Variants in ADAMTSL1 observed in about 807,000 individuals in gnomAD.
The protein encoded by ADAMTSL1 is ADAMTS-like protein 1.
In ADAMTSL1, 126 loss-of-function variants were observed where a neutral mutation model predicts 201.8. That is an observed-to-expected ratio of 0.62 (90% CI 0.54 to 0.72). The LOEUF is 0.72. Among genes scored for constraint, ADAMTSL1 ranks in the 30% least tolerant of loss-of-function variants. The probability of loss-of-function intolerance (pLI) is 0.00; values close to 1 mark genes in which losing one functional copy is unlikely to be tolerated. For missense variants in ADAMTSL1, 2,679 were observed against 2,277.8 expected (o/e 1.18, Z -3.59); for synonymous variants, 1,121 against 903.4 (o/e 1.24, Z -4.32).
chr9:18,522,685 G>A (rs1452988909), intron 2 of ADAMTSL1, among the ~76,000 whole-genome samples: 2 of 148,904 alleles, frequency 1.3e-5, no homozygotes, highest in Non-Finnish European at 3.0e-5. Context: ...GTGAGAACAT[G>A]CGATGTTTGT....
chr9:18,838,983 A>G (rs1825521456), intron 23 of ADAMTSL1, among the ~76,000 whole-genome samples: 1 of 149,902 alleles, frequency 6.7e-6, no homozygotes, highest in Non-Finnish European at 1.5e-5. Flanking sequence ...ATCTTTCAGC[A>G]TACATTTGGC....
chr9:18,842,716 C>T (rs1197520708), intron 23 of ADAMTSL1, among the ~76,000 whole-genome samples: 1 of 152,162 alleles, frequency 6.6e-6, no homozygotes, highest in Non-Finnish European at 1.5e-5. Context: ...AATCTGGGTG[C>T]TCCCATATTG....
intron 20 of ADAMTSL1, among the ~76,000 whole-genome samples, chr9:18,803,818 G>A (rs1668609826): frequency 6.6e-6 from 1 of 151,910 alleles, no homozygotes; most frequent in African/African-American, 2.4e-5. Context: ...TATATTATCT[G>A]CTCATATATT....
intron 1 of ADAMTSL1, among the ~76,000 whole-genome samples, chr9:18,024,067 G>T (rs1205148229): frequency 6.6e-6 from 1 of 151,306 alleles, no homozygotes; most frequent in African/African-American, 2.4e-5. Context: ...TTATCATTTT[G>T]TATCTGGTTA....
chr9:18,021,990 G>A (rs1820496267), intron 1 of ADAMTSL1, among the ~76,000 whole-genome samples: 1 of 152,062 alleles, frequency 6.6e-6, no homozygotes, highest in Non-Finnish European at 1.5e-5. Context: ...CTATAAAAGT[G>A]GTGATAAAAG....
intron 2 of ADAMTSL1, among the ~76,000 whole-genome samples, chr9:18,526,368 C>T (rs1819049196): frequency 6.6e-6 from 1 of 152,232 alleles, no homozygotes; most frequent in Admixed American, 6.5e-5. Flanking sequence ...ATACAGCACA[C>T]TGATGGATCT....
intron 4 of ADAMTSL1, among the ~76,000 whole-genome samples, chr9:18,580,243 T>C (rs1823011221): frequency 6.6e-6 from 1 of 152,218 alleles, no homozygotes; most frequent in Non-Finnish European, 1.5e-5. Context: ...TCACAGAGTT[T>C]TGATGTCTTT....
At chr9:18,728,406 G>A (rs1024535079) in intron 15 of ADAMTSL1, among the ~76,000 whole-genome samples, 4 of 151,908 alleles carry the variant, frequency 2.6e-5, no homozygotes, top group Non-Finnish European at 5.9e-5. Flanking sequence ...GTTGGTTAAC[G>A]TTAACTTTCT....
At chr9:18,017,745 C>T (rs1310444073) in intron 1 of ADAMTSL1, among the ~76,000 whole-genome samples, 3 of 151,970 alleles carry the variant, frequency 2.0e-5, no homozygotes, top group Non-Finnish European at 4.4e-5. Flanking sequence ...TATCCAACTT[C>T]CCAAATTCCA....
At chr9:18,134,678 T>C (rs1826084574) in intron 1 of ADAMTSL1, among the ~76,000 whole-genome samples, 1 of 152,168 alleles carries the variant, frequency 6.6e-6, no homozygotes. Flanking sequence ...GTTCTTTCTT[T>C]AAAGTAAACA....
chr9:18,505,731 A>G (rs1823088027), intron 2 of ADAMTSL1, among the ~76,000 whole-genome samples: 1 of 152,246 alleles, frequency 6.6e-6, no homozygotes, highest in Admixed American at 6.5e-5. Flanking sequence ...AGTGTTATGT[A>G]TAGCAAGTAG....
At chr9:18,822,834 G>T (rs1017367779) in intron 21 of ADAMTSL1, among the ~76,000 whole-genome samples, 6 of 152,178 alleles carry the variant, frequency 3.9e-5, no homozygotes, top group Non-Finnish European at 8.8e-5. Context: ...GCATGTCTCA[G>T]TACACTCCGA....
chr9:18,703,701 CATATATATATATAT>C lies in ADAMTSL1; in HGVS notation c.1575-3025_1575-3012del, dbSNP rs72258520. On this transcript the variant is annotated intron_variant, in intron 13 of 28. Coordinates refer to ENST00000380548, the MANE Select transcript of ADAMTSL1 (RefSeq NM_001040272.6). ...AATTACACACGTGCATGCGCACATA[CATATATATATATAT>C]ATATATATATATATATATATGTTTT... Among the ~76,000 whole-genome samples, 614 of 78,784 alleles carry C rather than the reference CATATATATATATAT, an allele frequency of 7.8e-3. 24 individuals are homozygous for C. The highest frequency in any genetic ancestry group is 0.033 in the South Asian group (74 of 2,210). 51.7% of individuals were successfully genotyped at this position (78,784 alleles called of 152,430 possible).
At chr9:18,280,126 G>A (rs1023577970) in intron 2 of ADAMTSL1, among the ~76,000 whole-genome samples, 2 of 152,070 alleles carry the variant, frequency 1.3e-5, no homozygotes, top group Non-Finnish European at 2.9e-5. Context: ...TGGGTCCATG[G>A]GACCTGGCTA....
At chr9:17,963,471 G>T (rs938792265) in intron 1 of ADAMTSL1, among the ~76,000 whole-genome samples, 2 of 152,102 alleles carry the variant, frequency 1.3e-5, no homozygotes, top group Admixed American at 6.6e-5. Flanking sequence ...ATAAAATTTG[G>T]CAGCAGGATT....
At chr9:17,919,668 C>T (rs1826230598) in intron 1 of ADAMTSL1, among the ~76,000 whole-genome samples, 1 of 152,070 alleles carries the variant, frequency 6.6e-6, no homozygotes, top group African/African-American at 2.4e-5. Context: ...CTTTCTATGG[C>T]TGAGTATTAT....
At chr9:18,767,561 C>A (rs530841291) in intron 16 of ADAMTSL1, among the ~76,000 whole-genome samples, 1 of 152,086 alleles carries the variant, frequency 6.6e-6, no homozygotes, top group Non-Finnish European at 1.5e-5. Context: ...AAATTTAAAA[C>A]CTTAGTTATC....
chr9:18,264,373 A>G (rs1832040042), intron 2 of ADAMTSL1, among the ~76,000 whole-genome samples: 1 of 152,158 alleles, frequency 6.6e-6, no homozygotes, highest in Non-Finnish European at 1.5e-5. Context: ...CTTATAAAAC[A>G]TCTGATTGTA....
At chr9:18,803,070 T>C (rs1447056763) in intron 20 of ADAMTSL1, among the ~76,000 whole-genome samples, 1 of 152,222 alleles carries the variant, frequency 6.6e-6, no homozygotes, top group Non-Finnish European at 1.5e-5. Flanking sequence ...TTTGCTGCCA[T>C]AACAAATAAC....
Sources: allele counts gnomAD v4.1 joint callset (sites outside exome capture counted in the v4.1 genomes callset), GRCh38; gene constraint gnomAD v4.1.1; transcripts MANE v1.5; gene names NCBI Gene and HGNC (gene_info 2026-07-23, HGNC 2026-07-21).